Variants in PDE9A observed in about 807,000 individuals in gnomAD.
The protein encoded by PDE9A is phosphodiesterase 9A, also known as high affinity cGMP-specific 3',5'-cyclic phosphodiesterase 9A.
A neutral mutation model predicts 87.4 loss-of-function variants in PDE9A; 60 were observed. The observed-to-expected ratio is 0.69, with a 90% CI of 0.56 to 0.85. The LOEUF is 0.85. PDE9A is among the 40% of genes least tolerant of loss of function. The pLI is 0.00. For missense variants in PDE9A, 665 were observed against 779.0 expected, an observed-to-expected ratio of 0.85 and a Z score of 1.74; for synonymous variants, 272 against 279.4, an observed-to-expected ratio of 0.97 and a Z score of 0.27.
Position 42,735,336 on chromosome 21 carries a change from C to T in PDE9A, c.568+1910C>T, listed in dbSNP as rs572100591. 5.3e-5 allele frequency among the ~76,000 whole-genome samples: 8 copies of T among 152,334 alleles called. No homozygotes were observed. The South Asian group carries it at 8.3e-4, about 16-fold the overall frequency. On this transcript the variant is annotated intron_variant, in intron 7 of 19. Coordinates refer to ENST00000291539, the MANE Select transcript of PDE9A (RefSeq NM_002606.3). ...TCAAAATCTAGACAGAGCCAGGCCG[C>T]GCACCCAAGGTCTAGCTGCAAGGCA... is the stretch of plus-strand genomic sequence containing the variant.
intron 7 of PDE9A, among the ~76,000 whole-genome samples, chr21:42,734,880 C>G (rs945027785): frequency 3.3e-5 from 5 of 152,192 alleles, no homozygotes; most frequent in African/African-American, 1.2e-4. Flanking sequence ...ACCCAGGGTC[C>G]TGGCCGGGCT....
At position 42,732,115 on chromosome 21, in the gene PDE9A, A is replaced by C; in HGVS notation, c.488A>C (p.Gln163Pro). 1.2e-6 allele frequency: 2 copies of C among 1,614,068 alleles called. No homozygotes were observed. The highest frequency in any genetic ancestry group is 1.7e-6 in the Non-Finnish European group (2 of 1,179,898). ...IQSVLAQVAE[Q>P]FSRAFKINEL... ...AGCGTGCTGGCGCAGGTTGCAGAGC[A>C]GTTCTCAAGGTACAGAGTCTTCTAA... Residue 163 changes from glutamine to proline, a missense_variant, in exon 6 of 20, where the codon CAG (glutamine) becomes CCG (proline). By Grantham distance (76) the Gln-to-Pro change is moderately conservative (BLOSUM62 -1). Transcript: ENST00000291539.
At chr21:42,693,257 G>A (rs1411933535) in intron 3 of PDE9A, among the ~76,000 whole-genome samples, 1 of 151,828 alleles carries the variant, frequency 6.6e-6, no homozygotes, top group Non-Finnish European at 1.5e-5. Context: ...CCACTAAAGA[G>A]TGGCTTTCCA....
chr21:42,670,064 C>A (rs2058308894), intron 1 of PDE9A, among the ~76,000 whole-genome samples: 1 of 151,984 alleles, frequency 6.6e-6, no homozygotes, highest in South Asian at 2.1e-4. Flanking sequence ...CTTACACATT[C>A]ACACACTCAC....
intron 7 of PDE9A, among the ~76,000 whole-genome samples, chr21:42,736,163 C>G (rs942620749): frequency 6.6e-6 from 1 of 152,186 alleles, no homozygotes; most frequent in African/African-American, 2.4e-5. Flanking sequence ...CAGCTCCCCC[C>G]ATGCTCTTCC....
chr21:42,755,012 G>A (rs1202012840), intron 10 of PDE9A, among the ~76,000 whole-genome samples: 1 of 152,184 alleles, frequency 6.6e-6, no homozygotes, highest in African/African-American at 2.4e-5. Flanking sequence ...AAAAATACAA[G>A]AATGGGGAAT....
chr21:42,667,378 C>T (rs1008171323), intron 1 of PDE9A, among the ~76,000 whole-genome samples: 3 of 152,124 alleles, frequency 2.0e-5, no homozygotes. Context: ...TTAAACTACT[C>T]GACTTCATGG....
intron 4 of PDE9A, among the ~76,000 whole-genome samples, chr21:42,708,629 A>G (rs572654501): frequency 1.3e-5 from 2 of 152,320 alleles, no homozygotes; most frequent in Non-Finnish European, 2.9e-5. Context: ...ATCTCGGCTC[A>G]CTGCAACTTC....
In PDE9A at chr21:42,723,023, C is replaced by T. The variant is rs561813826; in HGVS notation, c.263-8747C>T. Among the ~76,000 whole-genome samples, 7 of 152,326 alleles carry T rather than the reference C, an allele frequency of 4.6e-5. No individual in the cohort carries two copies. Among genetic ancestry groups the T allele is most frequent in the East Asian group, 3.9e-4 (2 of 5,176 alleles). Reference sequence around the variant, plus strand: ...GGGGGCAGCCCCTGCCCTGGACACCCGTGAACACGGAGGCAGCCGTGTGAA... The same window carrying T: ...GGGGGCAGCCCCTGCCCTGGACACCTGTGAACACGGAGGCAGCCGTGTGAA... On this transcript the variant is annotated intron_variant, in intron 4 of 19. Coordinates refer to ENST00000291539, the MANE Select transcript of PDE9A (RefSeq NM_002606.3). The surrounding 1 kb of genome is among the most constrained non-coding windows in gnomAD (Gnocchi z 4.3).
chr21:42,741,946 A>G (rs1040657521), intron 7 of PDE9A, among the ~76,000 whole-genome samples: 6 of 152,184 alleles, frequency 3.9e-5, no homozygotes, highest in African/African-American at 1.2e-4. Context: ...ATCCTTTTGC[A>G]TAAAAACTAA....
Position 42,732,143 on chromosome 21 carries a change from T to C in PDE9A, c.497+19T>C. The C allele has an allele frequency of 5.0e-6, 8 of 1,610,452 alleles. No individual in the cohort carries two copies. The highest frequency in any genetic ancestry group is 6.8e-6 in the Non-Finnish European group (8 of 1,177,102). ...TCTCAAGGTACAGAGTCTTCTAAAC[T>C]TACAACCAGCCAGAGATGGGCACAT... On this transcript the variant is annotated intron_variant, in intron 6 of 19. Transcript: ENST00000291539.
rs1171210661 is a variant in PDE9A at position 42,689,208 on chromosome 21, C to T, written c.218+1214C>T. On this transcript the variant is annotated intron_variant, in intron 3 of 19. Coordinates refer to ENST00000291539, the MANE Select transcript of PDE9A (RefSeq NM_002606.3). ...TCCCCCTCAGCGAGGTCCCAGTGGACGTGTCCAGAGCTGTCCTGGTCAGCC... is the reference window on the plus strand; with the variant it reads ...TCCCCCTCAGCGAGGTCCCAGTGGATGTGTCCAGAGCTGTCCTGGTCAGCC... Among the ~76,000 whole-genome samples, 7 of 152,364 alleles carry T rather than the reference C, an allele frequency of 4.6e-5. No individual in the cohort carries two copies. The South Asian group carries it at 8.3e-4, about 18-fold the overall frequency.
At position 42,667,354 on chromosome 21, in the gene PDE9A, C is replaced by T. The variant is rs541900154; in HGVS notation, c.69+13471C>T. 5.3e-4 allele frequency among the ~76,000 whole-genome samples: 80 copies of T among 152,274 alleles called. 1 individual carries two copies. The highest frequency in any genetic ancestry group is 6.2e-4 in the South Asian group (3 of 4,822). Reference sequence around the variant, plus strand: ...TACAGACCAGGGAACAGGGTGCTGACGTGGCCACAGTTCTTAAACTACTCG... The same window carrying T: ...TACAGACCAGGGAACAGGGTGCTGATGTGGCCACAGTTCTTAAACTACTCG... On this transcript the variant is annotated intron_variant, in intron 1 of 19. Transcript: ENST00000291539.
chr21:42,731,695 C>G lies in PDE9A; in HGVS notation c.263-75C>G, dbSNP rs973320752. ...TGCACTCACTTTGTCCCAGTAATTG[C>G]CCCCATAAAATAGACCTGGACACTA... On this transcript the variant is annotated intron_variant, in intron 4 of 19. Transcript: ENST00000291539. 9 of 1,411,244 alleles carry G rather than the reference C, an allele frequency of 6.4e-6. No homozygotes were observed. In the African/African-American group the frequency reaches 1.3e-4, roughly 20 times the overall value. 87.4% of individuals were successfully genotyped at this position (1,411,244 alleles called of 1,614,324 possible). A position where few individuals can be genotyped will look rare whatever the true frequency, so the allele number is the denominator to read the frequency against.
At chr21:42,676,060 C>T (rs780759205) in intron 1 of PDE9A, among the ~76,000 whole-genome samples, 14 of 152,132 alleles carry the variant, frequency 9.2e-5, no homozygotes, top group Non-Finnish European at 1.5e-4. Flanking sequence ...CACGGGTGTG[C>T]ACGCCTCCCT....
chr21:42,767,069 T>C (rs1459353174), intron 15 of PDE9A, among the ~76,000 whole-genome samples: 1 of 151,866 alleles, frequency 6.6e-6, no homozygotes, highest in African/African-American at 2.4e-5. Flanking sequence ...CGGGGTCAGA[T>C]GACAAGCAGC....
Position 42,659,405 on chromosome 21 carries a change from G to A in PDE9A, c.69+5522G>A, listed in dbSNP as rs940383932. On this transcript the variant is annotated intron_variant, in intron 1 of 19. Coordinates refer to ENST00000291539, the MANE Select transcript of PDE9A (RefSeq NM_002606.3). The surrounding 1 kb of genome is among the most constrained non-coding windows in gnomAD (Gnocchi z 4.1). ...ACATGGTGCTGAGACGGACAGCCTC[G>A]CCTCATCCGCCTTTCCCACTTGCCA... is the stretch of plus-strand genomic sequence containing the variant. Among the ~76,000 whole-genome samples the A allele has an allele frequency of 2.0e-5, 3 of 152,192 alleles. No homozygotes were observed. Among genetic ancestry groups the A allele is most frequent in the Non-Finnish European group, 4.4e-5 (3 of 68,042 alleles).
At chr21:42,729,400 T>C (rs541157085) in intron 4 of PDE9A, among the ~76,000 whole-genome samples, 1 of 152,364 alleles carries the variant, frequency 6.6e-6, no homozygotes, top group East Asian at 1.9e-4. Context: ...TTTGTCAGTC[T>C]TGCTAGAAGT....
At chr21:42,730,622 C>T (rs918192791) in intron 4 of PDE9A, among the ~76,000 whole-genome samples, 2 of 152,158 alleles carry the variant, frequency 1.3e-5, no homozygotes, top group African/African-American at 2.4e-5. Flanking sequence ...GGATCACTCT[C>T]TATGACTGCT....
Sources: allele counts gnomAD v4.1 joint callset (sites outside exome capture counted in the v4.1 genomes callset), GRCh38; gene constraint gnomAD v4.1.1; non-coding constraint Gnocchi (gnomAD v3.1); transcripts MANE v1.5; gene names NCBI Gene and HGNC (gene_info 2026-07-23, HGNC 2026-07-21).